Variants in BICD1 observed in about 807,000 individuals in gnomAD.
BICD1 encodes protein bicaudal D homolog 1.
A neutral mutation model predicts 92.5 loss-of-function variants in BICD1; 35 were observed. The ratio of observed to expected loss-of-function variants is 0.38; its 90% confidence interval spans 0.29 to 0.50. BICD1 has a LOEUF of 0.50. Among genes scored for constraint, BICD1 ranks in the 20% least tolerant of loss-of-function variants. The pLI, the probability that BICD1 is intolerant of heterozygous loss-of-function variation, is 0.93. For synonymous variants in BICD1, 429 were observed against 465.1 expected, an observed-to-expected ratio of 0.92 and a Z score of 1.00; for missense variants, 950 against 1,189.8, an observed-to-expected ratio of 0.80 and a Z score of 2.97.
At chr12:32,315,250 C>T (rs1448592206) in intron 4 of BICD1, among the ~76,000 whole-genome samples, 2 of 152,184 alleles carry the variant, frequency 1.3e-5, no homozygotes, top group African/African-American at 2.4e-5. Flanking sequence ...TCTTTGTACC[C>T]TTGTCCAAAA....
intron 6 of BICD1, 128 bp downstream of exon 6, chr12:32,334,795 T>C: frequency 9.9e-7 from 1 of 1,006,008 alleles, no homozygotes; most frequent in South Asian, 2.4e-5. Context: ...GTGAAGAAAA[T>C]CTGTGGAAGT....
chr12:32,341,555 G>A lies in BICD1; in HGVS notation c.2764+2576G>A, dbSNP rs142331323. 6.0e-4 allele frequency among the ~76,000 whole-genome samples: 91 copies of A among 151,934 alleles called. 1 individual carries two copies. The highest frequency in any genetic ancestry group is 2.0e-3 in the African/African-American group (81 of 41,414). On this transcript the variant is annotated intron_variant, in intron 8 of 9. Coordinates refer to ENST00000652176, the MANE Select transcript of BICD1 (RefSeq NM_001714.4). ...CATGCTAATGACAGCTTAACATATT[G>A]ATAACCTTTATAATTCTCACCATTT...
intron 3 of BICD1, among the ~76,000 whole-genome samples, chr12:32,296,395 C>A (rs187606350): frequency 2.0e-5 from 3 of 151,432 alleles, no homozygotes; most frequent in Admixed American, 1.3e-4. Flanking sequence ...GTAGCTGGGA[C>A]TACATGCATG....
At chr12:32,140,015 C>T (rs1483676707) in intron 1 of BICD1, among the ~76,000 whole-genome samples, 1 of 152,204 alleles carries the variant, frequency 6.6e-6, no homozygotes, top group Non-Finnish European at 1.5e-5. Context: ...TGTTCAGTGG[C>T]TCCTGCCTTT....
intron 2 of BICD1, among the ~76,000 whole-genome samples, chr12:32,286,797 G>A (rs1422027441): frequency 6.6e-6 from 1 of 152,088 alleles, no homozygotes; most frequent in African/African-American, 2.4e-5. Flanking sequence ...GGCCTAAAAT[G>A]TACCAGGTAT....
intron 2 of BICD1, among the ~76,000 whole-genome samples, chr12:32,246,935 G>T (rs326641): frequency 0.3 from 46,187 of 151,826 alleles, 7,877 homozygotes; most frequent in Non-Finnish European, 0.39. Context: ...ATGACATCAA[G>T]AGTTCTGTTT....
intron 1 of BICD1, among the ~76,000 whole-genome samples, chr12:32,196,243 C>G (rs1006004822): frequency 2.0e-5 from 3 of 152,074 alleles, no homozygotes; most frequent in African/African-American, 7.2e-5. Flanking sequence ...GGACGTTCTT[C>G]CAAAATTTAA....
chr12:32,375,321 G>A lies in BICD1; in HGVS notation c.2841-2219G>A, dbSNP rs553481399. On this transcript the variant is annotated intron_variant, in intron 9 of 9. Coordinates refer to ENST00000652176, the MANE Select transcript of BICD1 (RefSeq NM_001714.4). ...AGGTGGGCAGATCACTTGAAGTCAG[G>A]AGTTCGAGACCAGCCTGGCCAAAAT... 1.4e-4 allele frequency among the ~76,000 whole-genome samples: 22 copies of A among 152,138 alleles called. No individual in the cohort carries two copies. The South Asian group carries it at 2.7e-3, about 19-fold the overall frequency.
chr12:32,326,592 G>A (rs1324776478), intron 4 of BICD1, among the ~76,000 whole-genome samples: 1 of 152,058 alleles, frequency 6.6e-6, no homozygotes, highest in African/African-American at 2.4e-5. Context: ...TTTTATATTA[G>A]AAACCATCAA....
rs191628621 is a variant in BICD1, at chr12:32,234,725, G to T, written c.426+18266G>T. The stretch of plus-strand genomic sequence containing the variant: ...GTCTCTCACTCTGTTGCCCAGGCTG[G>T]AGTGCAGTGGCACAATTTTGGCTTG... On this transcript the variant is annotated intron_variant, in intron 2 of 9. Transcript: ENST00000652176. Among the ~76,000 whole-genome samples, 461 of 147,236 alleles carry T rather than the reference G, an allele frequency of 3.1e-3. 1 individual carries two copies. Among genetic ancestry groups the T allele is most frequent in the African/African-American group, 0.011 (421 of 39,364 alleles).
intron 1 of BICD1, among the ~76,000 whole-genome samples, chr12:32,210,972 G>C (rs326630): frequency 6.6e-6 from 1 of 152,244 alleles, no homozygotes; most frequent in African/African-American, 2.4e-5. Context: ...CAGACGAGTC[G>C]GGTAAATCAG....
chr12:32,220,950 T>C (rs1260105587), intron 2 of BICD1, among the ~76,000 whole-genome samples: 5 of 149,322 alleles, frequency 3.3e-5, no homozygotes, highest in African/African-American at 5.0e-5. Context: ...TGTAGGGACA[T>C]GGATGAAATT....
chr12:32,209,100 C>T (rs565560455), intron 1 of BICD1, among the ~76,000 whole-genome samples: 3 of 152,164 alleles, frequency 2.0e-5, no homozygotes, highest in African/African-American at 7.2e-5. Context: ...GGATTACAGA[C>T]GTGAGCCACC....
intron 1 of BICD1, among the ~76,000 whole-genome samples, chr12:32,186,745 C>T (rs982919362): frequency 2.6e-5 from 4 of 152,122 alleles, no homozygotes; most frequent in Admixed American, 6.5e-5. Flanking sequence ...TTTTTTTCAT[C>T]GTGAAGTGTG....
rs1940231174 is a variant in BICD1 at position 32,382,843 on chromosome 12, A to G, written c.*5216A>G. ...AGGGGAAATATCATTTTATTTAAAA[A>G]TAATTATTCAATGATAGATAATGGA... On this transcript the variant is annotated 3_prime_UTR_variant, in exon 10 of 10. Transcript: ENST00000652176. 1 of 152,118 alleles carries G rather than the reference A, an allele frequency of 6.6e-6. No individual in the cohort carries two copies. Among genetic ancestry groups the G allele is most frequent in the Non-Finnish European group, 1.5e-5 (1 of 67,952 alleles). The allele number at this position is 152,118 out of a possible 1,614,324, so 9.4% of individuals were successfully genotyped here.
intron 8 of BICD1, among the ~76,000 whole-genome samples, chr12:32,365,011 G>GGAC (rs1302215794): frequency 6.6e-6 from 1 of 152,178 alleles, no homozygotes; most frequent in Non-Finnish European, 1.5e-5. Context: ...CAAGGTGGGT[G>GGAC]GATCACCCGA....
intron 2 of BICD1, among the ~76,000 whole-genome samples, chr12:32,287,479 A>G (rs551117807): frequency 3.3e-5 from 5 of 151,872 alleles, no homozygotes; most frequent in African/African-American, 7.2e-5. Context: ...GCTTTAAACA[A>G]TAACCCATGA....
intron 8 of BICD1, among the ~76,000 whole-genome samples, chr12:32,346,207 C>T (rs1195849820): frequency 6.6e-6 from 1 of 151,580 alleles, no homozygotes; most frequent in Non-Finnish European, 1.5e-5. Flanking sequence ...TTAATTGACA[C>T]ACTATATCCA....
At chr12:32,183,332 G>GTGCGA (rs1219826318) in intron 1 of BICD1, among the ~76,000 whole-genome samples, 2 of 150,144 alleles carry the variant, frequency 1.3e-5, no homozygotes, top group Admixed American at 1.3e-4. Context: ...GAGTGCAGTG[G>GTGCGA]TGCGATCTTG....
Sources: allele counts gnomAD v4.1 joint callset (sites outside exome capture counted in the v4.1 genomes callset), GRCh38; gene constraint gnomAD v4.1.1; transcripts MANE v1.5; gene names NCBI Gene and HGNC (gene_info 2026-07-23, HGNC 2026-07-21).